Variants in AFF3 observed in about 807,000 individuals in gnomAD.
AFF3 encodes ALF transcription elongation factor 3.
AFF3 carries 32 observed loss-of-function variants against 129.7 expected under a neutral mutation model. The observed-to-expected ratio is 0.25, with a 90% CI of 0.19 to 0.33. The LOEUF (loss-of-function observed/expected upper bound fraction) is 0.33, where lower values mean the gene tolerates loss of function less well. AFF3 is among the 10% of genes least tolerant of loss of function. The probability of loss-of-function intolerance (pLI) is 1.00; values close to 1 mark genes in which losing one functional copy is unlikely to be tolerated. For missense variants in AFF3, 1,373 were observed against 1,592.0 expected (o/e 0.86, Z 2.34); for synonymous variants, 644 against 635.4 (o/e 1.01, Z -0.20).
chr2:99,622,585 C>T (rs1682130110), intron 13 of AFF3, among the ~76,000 whole-genome samples: 1 of 152,220 alleles, frequency 6.6e-6, no homozygotes, highest in Non-Finnish European at 1.5e-5. Context: ...CCCAGCTCCA[C>T]CATCACAGAG....
chr2:100,060,546 G>T (rs1386613271), intron 4 of AFF3, among the ~76,000 whole-genome samples: 1 of 151,984 alleles, frequency 6.6e-6, no homozygotes, highest in African/African-American at 2.4e-5. Context: ...ATATATATCA[G>T]CTCTCTGAGC....
At chr2:99,609,845 T>C (rs1680746400) in intron 13 of AFF3, among the ~76,000 whole-genome samples, 1 of 152,168 alleles carries the variant, frequency 6.6e-6, no homozygotes, top group Non-Finnish European at 1.5e-5. Context: ...CATGTATAGA[T>C]TGTCAGGCCT....
chr2:99,956,480 A>G (rs1409067719), intron 7 of AFF3, among the ~76,000 whole-genome samples: 1 of 152,220 alleles, frequency 6.6e-6, no homozygotes, highest in Non-Finnish European at 1.5e-5. Flanking sequence ...ACTTAAGCAT[A>G]AGCTGACTGA....
chr2:99,844,318 A>T (rs1054707727), intron 7 of AFF3, among the ~76,000 whole-genome samples: 4 of 152,252 alleles, frequency 2.6e-5, no homozygotes, highest in Non-Finnish European at 5.9e-5. Context: ...CAATGTTGTA[A>T]ACCATTATCA....
chr2:99,686,628 C>G (rs1675088004), intron 11 of AFF3, among the ~76,000 whole-genome samples: 1 of 152,178 alleles, frequency 6.6e-6, no homozygotes. Flanking sequence ...TACAAATAAA[C>G]AAAACCCCAA....
intron 7 of AFF3, among the ~76,000 whole-genome samples, chr2:99,849,696 A>C (rs1014859442): frequency 2.0e-5 from 3 of 152,244 alleles, no homozygotes; most frequent in Non-Finnish European, 4.4e-5. Context: ...AAAGAAAGCA[A>C]TGATTACTAG....
chr2:100,043,306 G>A (rs1240166763), intron 4 of AFF3, among the ~76,000 whole-genome samples: 10 of 152,260 alleles, frequency 6.6e-5, no homozygotes, highest in Admixed American at 2.6e-4. Flanking sequence ...AGCTCCAGTC[G>A]GGAAGGGCAG....
At chr2:100,037,604 A>G in intron 4 of AFF3, among the ~76,000 whole-genome samples, 1 of 45,174 alleles carries the variant, frequency 2.2e-5, no homozygotes. Context: ...TTATTTATAT[A>G]TAAATATATA....
intron 12 of AFF3, among the ~76,000 whole-genome samples, chr2:99,669,928 C>T (rs917687207): frequency 3.3e-5 from 5 of 152,126 alleles, no homozygotes; most frequent in Non-Finnish European, 4.4e-5. Flanking sequence ...CCAGCCTGGG[C>T]GACAAGAGTG....
At chr2:100,057,338 A>AC (rs1004187796) in intron 4 of AFF3, among the ~76,000 whole-genome samples, 3 of 150,668 alleles carry the variant, frequency 2.0e-5, no homozygotes, top group Non-Finnish European at 4.4e-5. Flanking sequence ...AAAAAAAAAA[A>AC]AAAAAACTCT....
intron 2 of AFF3, chr2:100,110,295 C>T (rs1271863955): frequency 3.3e-5 from 5 of 152,184 alleles, no homozygotes; most frequent in Non-Finnish European, 7.3e-5. Context: ...AAACAAATCT[C>T]AAGGTGTTGG....
At chr2:99,606,742 G>A (rs1034181194) in intron 13 of AFF3, among the ~76,000 whole-genome samples, 3 of 151,556 alleles carry the variant, frequency 2.0e-5, no homozygotes, top group African/African-American at 4.8e-5. Flanking sequence ...GTGAAACCCC[G>A]TCTCTACTAA....
chr2:99,611,704 TG>T (rs1425236284), intron 13 of AFF3, among the ~76,000 whole-genome samples: 2 of 152,038 alleles, frequency 1.3e-5, no homozygotes. Flanking sequence ...CTGGCCAACA[TG>T]GTAAAACCCC....
intron 7 of AFF3, among the ~76,000 whole-genome samples, chr2:99,888,699 C>A (rs1414118351): frequency 6.6e-6 from 1 of 152,084 alleles, no homozygotes; most frequent in Admixed American, 6.5e-5. Flanking sequence ...AAAGCATGTG[C>A]ATCAAAACTG....
chr2:99,569,013 A>C (rs769116835), intron 18 of AFF3, 98 bp from the exon 19 acceptor site: 5 of 1,196,016 alleles, frequency 4.2e-6, no homozygotes, highest in Non-Finnish European at 6.2e-6. Context: ...CACAATTTAA[A>C]AACTCTGCTT....
At chr2:99,948,850 A>T (rs1675887919) in intron 7 of AFF3, among the ~76,000 whole-genome samples, 2 of 152,198 alleles carry the variant, frequency 1.3e-5, no homozygotes, top group Admixed American at 6.5e-5. Context: ...CAATCTTCCC[A>T]ATTACAGCAA....
rs984069749 is a variant in AFF3 at position 99,558,511 on chromosome 2, T to C, written c.3285+364A>G. ...GGTGTGCGCCTGTAATCTGAGCTAC[T>C]TGGGAGGCTGAGGCAGGAGAATTGC... On this transcript the variant is annotated intron_variant, in intron 22 of 24. Coordinates refer to ENST00000672756, the MANE Select transcript of AFF3 (RefSeq NM_001386135.1). Among the ~76,000 whole-genome samples the C allele has an allele frequency of 2.0e-5, 3 of 151,988 alleles. No homozygotes were observed. The East Asian group carries it at 5.8e-4, about 29-fold the overall frequency.
intron 11 of AFF3, among the ~76,000 whole-genome samples, chr2:99,722,050 T>C (rs1321358044): frequency 2.0e-5 from 3 of 152,252 alleles, no homozygotes; most frequent in Non-Finnish European, 4.4e-5. Flanking sequence ...CTATGCTTCA[T>C]TTATTTCAAA....
chr2:99,865,736 G>A (rs1691343018), intron 7 of AFF3, among the ~76,000 whole-genome samples: 2 of 152,200 alleles, frequency 1.3e-5, no homozygotes, highest in South Asian at 4.1e-4. Flanking sequence ...AAAGGCTCCA[G>A]ATGTCATCCA....
Sources: allele counts gnomAD v4.1 joint callset (sites outside exome capture counted in the v4.1 genomes callset), GRCh38; gene constraint gnomAD v4.1.1; transcripts MANE v1.5; gene names NCBI Gene and HGNC (gene_info 2026-07-23, HGNC 2026-07-21).